TACR1: variants seen among roughly 807,000 people sequenced by gnomAD.
TACR1 encodes the protein substance-P receptor.
A neutral mutation model predicts 35.8 loss-of-function variants in TACR1; 25 were observed. The ratio of observed to expected loss-of-function variants is 0.70; its 90% CI spans 0.51 to 0.98. The LOEUF (loss-of-function observed/expected upper bound fraction) is 0.98. Among genes scored for constraint, TACR1 ranks in the 50% least tolerant of loss-of-function variants. The probability of loss-of-function intolerance (pLI) is 0.00; values close to 1 mark genes in which losing one functional copy is unlikely to be tolerated. For synonymous variants in TACR1, 195 were observed against 206.7 expected (o/e 0.94, Z 0.48); for missense variants, 478 against 522.9 (o/e 0.91, Z 0.84).
At chr2:75,085,813 C>T (rs777303947) in intron 2 of TACR1, among the ~76,000 whole-genome samples, 1 of 152,152 alleles carries the variant, frequency 6.6e-6, no homozygotes, top group Non-Finnish European at 1.5e-5. Flanking sequence ...TGAAGCTCTA[C>T]TCACTTGTTA....
At chr2:75,154,418 A>C (rs79485140) in intron 1 of TACR1, 2 of 74,678 alleles carry the variant, frequency 2.7e-5, no homozygotes, top group East Asian at 3.7e-4. Context: ...ACGCACACAC[A>C]CACACACACA....
intron 1 of TACR1, among the ~76,000 whole-genome samples, chr2:75,146,596 G>T (rs1202414361): frequency 1.3e-5 from 2 of 152,138 alleles, no homozygotes; most frequent in East Asian, 3.9e-4. Context: ...TGCAGCTGTG[G>T]GGGTACCAAA....
chr2:75,072,890 G>A (rs1036678547), intron 2 of TACR1, among the ~76,000 whole-genome samples: 7 of 152,168 alleles, frequency 4.6e-5, no homozygotes, highest in Admixed American at 1.3e-4. Flanking sequence ...AAAATTTGAG[G>A]ATTGATGTAG....
intron 2 of TACR1, among the ~76,000 whole-genome samples, chr2:75,079,735 C>A (rs1262716243): frequency 7.2e-6 from 1 of 138,696 alleles, no homozygotes. Context: ...AAACCTAATG[C>A]CTTTTTTTTT....
chr2:75,090,823 AGT>A (rs957621044), intron 2 of TACR1: 3 of 153,908 alleles, frequency 1.9e-5, no homozygotes, highest in African/African-American at 7.2e-5. Flanking sequence ...TGAAGAGTAG[AGT>A]GTGTGGTCCC....
intron 1 of TACR1, among the ~76,000 whole-genome samples, chr2:75,175,391 T>TA (rs1675388081): frequency 6.6e-6 from 1 of 152,242 alleles, no homozygotes; most frequent in Admixed American, 6.5e-5. Context: ...ATAAAGTGAA[T>TA]AGTTCCTATT....
intron 2 of TACR1, among the ~76,000 whole-genome samples, chr2:75,120,241 G>C (rs1673940488): frequency 6.6e-6 from 1 of 152,188 alleles, no homozygotes; most frequent in Admixed American, 6.5e-5. Context: ...GCATTCTGTA[G>C]CTTAGGAAAA....
intron 1 of TACR1, among the ~76,000 whole-genome samples, chr2:75,177,716 C>G (rs1332866682): frequency 6.6e-6 from 1 of 152,196 alleles, no homozygotes; most frequent in African/African-American, 2.4e-5. Flanking sequence ...TTACTCCTCT[C>G]ACAAAACCCC....
intron 2 of TACR1, among the ~76,000 whole-genome samples, chr2:75,077,250 G>T (rs1572915103): frequency 6.6e-6 from 1 of 152,186 alleles, no homozygotes; most frequent in African/African-American, 2.4e-5. Context: ...GATTACAGGC[G>T]TGAGCCACCG....
At chr2:75,154,812 C>T (rs1400936457) in intron 1 of TACR1, among the ~76,000 whole-genome samples, 1 of 152,126 alleles carries the variant, frequency 6.6e-6, no homozygotes, top group Non-Finnish European at 1.5e-5. Flanking sequence ...AAGACCTTCT[C>T]CACAGCACTG....
At chr2:75,172,592 G>T (rs1046408386) in intron 1 of TACR1, among the ~76,000 whole-genome samples, 4 of 151,906 alleles carry the variant, frequency 2.6e-5, no homozygotes, top group Non-Finnish European at 1.5e-5. Flanking sequence ...CAGTACCCTA[G>T]AAGTTGTAGC....
At chr2:75,072,395 C>T (rs1337312216) in intron 2 of TACR1, among the ~76,000 whole-genome samples, 2 of 152,126 alleles carry the variant, frequency 1.3e-5, no homozygotes, top group Non-Finnish European at 2.9e-5. Context: ...CCTGGTTTCC[C>T]GTCTTTTGCT....
intron 3 of TACR1, among the ~76,000 whole-genome samples, chr2:75,053,343 T>G (rs1672506763): frequency 6.6e-6 from 1 of 152,164 alleles, no homozygotes; most frequent in African/African-American, 2.4e-5. Flanking sequence ...ATCTTTTATT[T>G]AAGTGTGCGT....
rs200803720 is a variant in TACR1 at position 75,198,596 on chromosome 2, G to T, written c.339C>A (p.Ile113=). Residue 113 remains isoleucine, a synonymous_variant, in exon 1 of 5, where the codon ATC becomes ATA. Transcript: ENST00000305249. ...FYCKFHNFFP[I]AAVFASIYSM... The stretch of plus-strand genomic sequence containing the variant: ...AGTAGATACTGGCGAAGACAGCGGC[G>T]ATGGGAAAGAAGTTGTGGAACTTGC... 2.5e-6 allele frequency: 4 copies of T among 1,614,090 alleles called. No homozygotes were observed. The highest frequency in any genetic ancestry group is 1.3e-5 in the African/African-American group (1 of 74,930).
At chr2:75,131,088 T>C (rs1177647384) in intron 1 of TACR1, among the ~76,000 whole-genome samples, 4 of 151,378 alleles carry the variant, frequency 2.6e-5, no homozygotes, top group Admixed American at 2.0e-4. Context: ...AATGAGCCAA[T>C]TTTTTTTTCT....
chr2:75,117,678 C>A (rs1353815787), intron 2 of TACR1, among the ~76,000 whole-genome samples: 2 of 152,178 alleles, frequency 1.3e-5, no homozygotes, highest in African/African-American at 4.8e-5. Context: ...AATGCACTTA[C>A]CACACCTAAC....
In TACR1 at chr2:75,049,513, G is replaced by GT; in HGVS notation, c.1142dup (p.Asp381GlufsTer11). 3 of 1,614,178 alleles carry GT rather than the reference G, an allele frequency of 1.9e-6. No individual in the cohort carries two copies. Among genetic ancestry groups the GT allele is most frequent in the Non-Finnish European group, 2.5e-6 (3 of 1,179,986 alleles). On this transcript the variant is annotated frameshift_variant, in exon 5 of 5. Transcript: ENST00000305249. LOFTEE classifies it high-confidence loss of function. The stretch of plus-strand genomic sequence containing the variant: ...TTCGTGAAGAGCAGTTGGAGGTCAG[G>GT]TCCAGGGACGAGGGTGTGGCCTTGG...
chr2:75,152,617 A>G (rs761865538), intron 1 of TACR1, among the ~76,000 whole-genome samples: 11 of 152,224 alleles, frequency 7.2e-5, no homozygotes, highest in Non-Finnish European at 1.2e-4. Flanking sequence ...GCTGAGAGTT[A>G]AAGTGTCAGA....
At chr2:75,057,701 T>C (rs932654202) in intron 2 of TACR1, among the ~76,000 whole-genome samples, 1 of 152,180 alleles carries the variant, frequency 6.6e-6, no homozygotes, top group African/African-American at 2.4e-5. Flanking sequence ...TATTGTCTAA[T>C]GGGTACAGAA....
Sources: gnomAD v4.1 joint callset for allele counts (sites outside exome capture counted in the v4.1 genomes callset) on GRCh38, gnomAD v4.1.1 for gene constraint, MANE v1.5 for transcripts, NCBI Gene and HGNC (gene_info 2026-07-23, HGNC 2026-07-21) for gene names.